RANGRF: variants seen among roughly 807,000 people sequenced by gnomAD.
RANGRF encodes the protein MOG1 homolog.
A neutral mutation model predicts 21.8 loss-of-function variants in RANGRF; 17 were observed. The observed-to-expected ratio is 0.78, with a 90% confidence interval of 0.53 to 1.17. The LOEUF (loss-of-function observed/expected upper bound fraction) is 1.17. RANGRF is among the 50% of genes most tolerant of loss of function. The pLI is 0.00. For synonymous variants in RANGRF, 97 were observed against 94.3 expected (o/e 1.03, Z -0.17); for missense variants, 225 against 235.5 (o/e 0.96, Z 0.29).
chr17:8,289,586 C>T lies in RANGRF; in HGVS notation c.435C>T (p.Pro145=), dbSNP rs1990315693. 6.2e-7 allele frequency: 1 copy of T among 1,611,952 alleles called. No individual in the cohort carries two copies. The highest frequency in any genetic ancestry group is 8.5e-7 in the Non-Finnish European group (1 of 1,178,214). Residue 145 remains proline, a splice_region_variant and synonymous_variant, in exon 4 of 5, where the codon CCC becomes CCT. Transcript: ENST00000226105. ...QTDLLLTFNQ[P]PPDNRSSLGP... is the part of the protein sequence containing the mutation. ...ATCTCTTGCTTACCTTCAATCAGCC[C>T]CCGTAAGGAGGAAGGAACGGGCGGG...
In RANGRF at chr17:8,288,785, A is replaced by G. The variant is rs746753472; in HGVS notation, c.-4A>G. 3.1e-6 allele frequency: 5 copies of G among 1,613,950 alleles called. No individual in the cohort carries two copies. The highest frequency in any genetic ancestry group is 1.7e-4 in the Middle Eastern group (1 of 6,060). The stretch of plus-strand genomic sequence containing the variant: ...TCTAATGCCCATAACCCAGCCTCAG[A>G]CCCATGGAGCCCACGAGAGACTGCC... On this transcript the variant is annotated 5_prime_UTR_variant, in exon 1 of 5. Coordinates refer to ENST00000226105, the MANE Select transcript of RANGRF (RefSeq NM_016492.5).
At chr17:8,289,457 G>A in intron 3 of RANGRF, 43 bp downstream of exon 3, 2 of 1,614,098 alleles carry the variant, frequency 1.2e-6, no homozygotes, top group South Asian at 1.1e-5. Context: ...GGGCGGTAGC[G>A]GGGACGCAGA....
In RANGRF at chr17:8,289,191, C is replaced by T. The variant is rs372709645; in HGVS notation, c.195-67C>T. 2.5e-6 allele frequency: 4 copies of T among 1,603,498 alleles called. No individual in the cohort carries two copies. In the East Asian group the frequency reaches 6.7e-5, roughly 27 times the overall value. ...ACGCACGGGCCGGGAGCCAGGCCTG[C>T]AACTTAAAGATGCTCCCGGGGAGGC... On this transcript the variant is annotated intron_variant, in intron 2 of 4. Coordinates refer to ENST00000226105, the MANE Select transcript of RANGRF (RefSeq NM_016492.5).
Position 8,289,077 on chromosome 17 carries a change from G to A in RANGRF, c.194+5G>A, listed in dbSNP as rs1262912024. The A allele has an allele frequency of 1.2e-6, 2 of 1,613,240 alleles. No individual in the cohort carries two copies. ...ACGGGGCGAAGCGGCTGCGCGGTGA[G>A]GGAATGGCCCCCGGCTGGCCAATGG... On this transcript the variant is annotated splice_donor_5th_base_variant and intron_variant, in intron 2 of 4. Transcript: ENST00000226105.
In RANGRF at chr17:8,289,362, A is replaced by C. The variant is rs568408453; in HGVS notation, c.299A>C (p.Gln100Pro). The change falls in exon 3 of 5, where the codon CAA (glutamine) becomes CCA (proline). Residue 100 changes from glutamine (Q) to proline (P), a missense_variant. By Grantham distance (76) the Gln-to-Pro change is moderately conservative. Transcript: ENST00000226105. ...AACCTGGCCCTGAGGGGCCGCTGTC[A>C]AGAAGCCTGGGTCCTCTCTGGCAAG... is the stretch of plus-strand genomic sequence containing the variant. ...LENLALRGRC[Q>P]EAWVLSGKQQ... 1 of 1,614,140 alleles carries C rather than the reference A, an allele frequency of 6.2e-7. No individual in the cohort carries two copies. The highest frequency in any genetic ancestry group is 2.2e-5 in the East Asian group (1 of 44,884).
At chr17:8,289,756 A>G (rs1597442298) in intron 4 of RANGRF, 57 bp from the exon 5 acceptor site, 2 of 1,613,700 alleles carry the variant, frequency 1.2e-6, no homozygotes, top group Non-Finnish European at 1.7e-6. Context: ...GGAATTGGCA[A>G]TTTCCAAACC....
Position 8,289,553 on chromosome 17 carries a change from CCA to C in RANGRF, c.403_404del (p.Gln135AspfsTer2). The C allele has an allele frequency of 6.2e-7, 1 of 1,613,922 alleles. No homozygotes were observed. The highest frequency in any genetic ancestry group is 8.5e-7 in the Non-Finnish European group (1 of 1,179,862). ...AGGCCTTGCTGAGGCTGCCCCAGTA[CCA>C]GACTGATCTCTTGCTTACCTTCAAT... ...HQALLRLPQY[Q>X]TDLLLTFNQP... On this transcript the variant is annotated frameshift_variant, in exon 4 of 5. Coordinates refer to ENST00000226105, the MANE Select transcript of RANGRF (RefSeq NM_016492.5). LOFTEE classifies it high-confidence loss of function.
In RANGRF at chr17:8,288,881, C is replaced by A; in HGVS notation, c.77+16C>A. ...TTGACGTAAGGTGAGAAGGCCGGGG[C>A]GCCCAGGGGCGGCTGACTGGGTGGG... On this transcript the variant is annotated intron_variant, in intron 1 of 4. Coordinates refer to ENST00000226105, the MANE Select transcript of RANGRF (RefSeq NM_016492.5). The A allele has an allele frequency of 6.2e-7, 1 of 1,614,158 alleles. No homozygotes were observed. Among genetic ancestry groups the A allele is most frequent in the Non-Finnish European group, 8.5e-7 (1 of 1,179,986 alleles).
chr17:8,288,823 G>T lies in RANGRF; in HGVS notation c.35G>T (p.Gly12Val). The T allele has an allele frequency of 1.9e-6, 3 of 1,614,210 alleles. No individual in the cohort carries two copies. Among genetic ancestry groups the T allele is most frequent in the Non-Finnish European group, 2.5e-6 (3 of 1,180,050 alleles). ...EPTRDCPLFG[G>V]AFSAILPMGA... is the part of the protein sequence containing the mutation. The stretch of plus-strand genomic sequence containing the variant: ...ACGAGAGACTGCCCGCTGTTCGGGG[G>T]CGCCTTTTCCGCCATCCTCCCCATG... Residue 12 changes from glycine (G) to valine (V), a missense_variant, in exon 1 of 5, where the codon GGC (glycine) becomes GTC (valine). Transcript: ENST00000226105.
At position 8,288,953 on chromosome 17, in the gene RANGRF, C is replaced by G. The variant is rs1162831564; in HGVS notation, c.78-3C>G. 1.2e-6 allele frequency: 2 copies of G among 1,614,112 alleles called. No individual in the cohort carries two copies. The highest frequency in any genetic ancestry group is 2.2e-5 in the East Asian group (1 of 44,878). The stretch of plus-strand genomic sequence containing the variant: ...AACCAGGGTCTGCCTCGCCTCACTC[C>G]AGCGACCTCCGACCGGTCCCGGACA... On this transcript the variant is annotated splice_polypyrimidine_tract_variant and splice_region_variant and intron_variant, in intron 1 of 4. Transcript: ENST00000226105.
chr17:8,289,095 G>C, intron 2 of RANGRF, 23 bp downstream of exon 2: 1 of 1,611,576 alleles, frequency 6.2e-7, no homozygotes, highest in Non-Finnish European at 8.5e-7. Flanking sequence ...CCCCCGGCTG[G>C]CCAATGGCAG....
In RANGRF at chr17:8,289,890, T is replaced by G. The variant is rs1990347629; in HGVS notation, c.515T>G (p.Val172Gly). The stretch of plus-strand genomic sequence containing the variant: ...AGCCTGGGTGACTTTGAACAGCTGG[T>G]GACCAGTCTGACCCTTCACGATCCT... ...PWSLGDFEQL[V>G]TSLTLHDPNI... is the part of the protein sequence containing the mutation. Residue 172 changes from valine (V) to glycine (G), a missense_variant, in exon 5 of 5, where the codon GTG (valine) becomes GGG (glycine). Coordinates refer to ENST00000226105, the MANE Select transcript of RANGRF (RefSeq NM_016492.5). 1 of 1,614,048 alleles carries G rather than the reference T, an allele frequency of 6.2e-7. No homozygotes were observed. Among genetic ancestry groups the G allele is most frequent in the Non-Finnish European group, 8.5e-7 (1 of 1,180,028 alleles).
Position 8,289,852 on chromosome 17 carries a change from A to G in RANGRF, c.477A>G (p.Ser159=). 6.2e-7 allele frequency: 1 copy of G among 1,614,082 alleles called. No homozygotes were observed. Among genetic ancestry groups the G allele is most frequent in the Non-Finnish European group, 8.5e-7 (1 of 1,180,022 alleles). ...NRSSLGPENL[S]PAPWSLGDFE... is the part of the protein sequence containing the mutation. ...CATCTCTTGGCCCCGAAAATCTGTCACCTGCACCCTGGAGCCTGGGTGACT... is the reference window on the plus strand; with the variant it reads ...CATCTCTTGGCCCCGAAAATCTGTCGCCTGCACCCTGGAGCCTGGGTGACT... Residue 159 remains serine, a synonymous_variant, in exon 5 of 5, where the codon TCA becomes TCG. Coordinates refer to ENST00000226105, the MANE Select transcript of RANGRF (RefSeq NM_016492.5).
At position 8,289,423 on chromosome 17, in the gene RANGRF, C is replaced by T. The variant is rs1308333619; in HGVS notation, c.351+9C>T. 2 of 1,613,990 alleles carry T rather than the reference C, an allele frequency of 1.2e-6. No homozygotes were observed. The highest frequency in any genetic ancestry group is 1.7e-6 in the Non-Finnish European group (2 of 1,179,936). On this transcript the variant is annotated intron_variant, in intron 3 of 4. Coordinates refer to ENST00000226105, the MANE Select transcript of RANGRF (RefSeq NM_016492.5). The stretch of plus-strand genomic sequence containing the variant: ...CTAAGGAAAACCAGCAGGTGAGGGC[C>T]CGAGAGTGTGTAATGTCCTGGAAGG...
intron 4 of RANGRF, 110 bp from the exon 5 acceptor site, chr17:8,289,703 C>T (rs1325937691): frequency 4.3e-6 from 7 of 1,611,708 alleles, no homozygotes; most frequent in African/African-American, 2.7e-5. Flanking sequence ...CAGGAGTGGG[C>T]CAGAGGTTTG....
chr17:8,289,060 A>T lies in RANGRF; in HGVS notation c.182A>T (p.Glu61Val). The T allele has an allele frequency of 6.2e-7, 1 of 1,613,686 alleles. No individual in the cohort carries two copies. The highest frequency in any genetic ancestry group is 8.5e-7 in the Non-Finnish European group (1 of 1,179,950). ...GAGCTGCAGGCCCACGTACGGGGCG[A>T]AGCGGCTGCGCGGTGAGGGAATGGC... ...LLELQAHVRG[E>V]AAARYHFEDV... The change falls in exon 2 of 5, where the codon GAA becomes GTA. Residue 61 changes from glutamate (E) to valine (V), a missense_variant. Coordinates refer to ENST00000226105, the MANE Select transcript of RANGRF (RefSeq NM_016492.5).
intron 2 of RANGRF, 23 bp from the exon 3 acceptor site, chr17:8,289,235 C>T: frequency 6.2e-7 from 1 of 1,612,572 alleles, no homozygotes; most frequent in Non-Finnish European, 8.5e-7. Context: ...ATGTCCCTTC[C>T]TGACCCCGCT....
intron 1 of RANGRF, 24 bp downstream of exon 1, chr17:8,288,889 G>T: frequency 6.2e-7 from 1 of 1,614,164 alleles, no homozygotes; most frequent in Non-Finnish European, 8.5e-7. Context: ...GGCGCCCAGG[G>T]GCGGCTGACT....
Position 8,289,082 on chromosome 17 carries a change from T to C in RANGRF, c.194+10T>C, listed in dbSNP as rs375282172. 1.3e-5 allele frequency: 21 copies of C among 1,612,970 alleles called. No homozygotes were observed. The African/African-American group carries it at 2.5e-4, about 19-fold the overall frequency. ...GCGAAGCGGCTGCGCGGTGAGGGAA[T>C]GGCCCCCGGCTGGCCAATGGCAGGG... is the stretch of plus-strand genomic sequence containing the variant. On this transcript the variant is annotated intron_variant, in intron 2 of 4. Transcript: ENST00000226105.
Sources: gnomAD v4.1 joint callset for allele counts on GRCh38, gnomAD v4.1.1 for gene constraint, MANE v1.5 for transcripts, NCBI Gene and HGNC (gene_info 2026-07-23, HGNC 2026-07-21) for gene names.